CRELD1: variants seen among roughly 807,000 people sequenced by gnomAD.
CRELD1 encodes the protein CRELD disulfide isomerase 1.
A neutral mutation model predicts 58.2 loss-of-function variants in CRELD1; 42 were observed. That is an observed-to-expected ratio of 0.72 (90% CI 0.56 to 0.93). The LOEUF (loss-of-function observed/expected upper bound fraction) is 0.93, where lower values mean the gene tolerates loss of function less well. Among genes scored for constraint, CRELD1 ranks in the 40% least tolerant of loss-of-function variants. CRELD1 has a pLI of 0.00. For synonymous variants in CRELD1, 222 were observed against 202.0 expected (o/e 1.10, Z -0.84); for missense variants, 500 against 540.6 (o/e 0.92, Z 0.74).
chr3:9,935,336 TAGA>T (rs2085156576), intron 3 of CRELD1, among the ~76,000 whole-genome samples: 1 of 152,142 alleles, frequency 6.6e-6, no homozygotes, highest in Non-Finnish European at 1.5e-5. Context: ...GGGAGAGTGC[TAGA>T]AGGTGAAGGC....
chr3:9,938,457 C>T, intron 5 of CRELD1: 1 of 322,978 alleles, frequency 3.1e-6, no homozygotes, highest in Non-Finnish European at 5.9e-6. Context: ...CATCCTCACA[C>T]ACAGTCCTGG....
At chr3:9,940,107 G>T (rs1239336189) in intron 5 of CRELD1, among the ~76,000 whole-genome samples, 1 of 151,594 alleles carries the variant, frequency 6.6e-6, no homozygotes, top group Non-Finnish European at 1.5e-5. Flanking sequence ...TCCCAGACGG[G>T]GTCGCGGCCG....
At chr3:9,940,699 G>A in intron 5 of CRELD1, 151 bp from the exon 6 acceptor site, 1 of 612,798 alleles carries the variant, frequency 1.6e-6, no homozygotes. Flanking sequence ...GGGAGAGGGA[G>A]GCCATGGGGA....
In CRELD1 at chr3:9,943,850, A is replaced by C. The variant is rs1243681561; in HGVS notation, c.1048+335A>C. On this transcript the variant is annotated intron_variant, in intron 10 of 10. Coordinates refer to ENST00000452070, the MANE Select transcript of CRELD1 (RefSeq NM_001077415.3). Reference sequence around the variant, plus strand: ...GGTGAGATGCAGGGTAATCACAACGATGATGGCAGGGACCATTTCCCCAGC... The same window carrying C: ...GGTGAGATGCAGGGTAATCACAACGCTGATGGCAGGGACCATTTCCCCAGC... 3.7e-6 allele frequency: 6 copies of C among 1,613,774 alleles called. No homozygotes were observed. In the African/African-American group the frequency reaches 6.7e-5, roughly 18 times the overall value.
chr3:9,938,399 T>G, intron 5 of CRELD1: 1 of 397,398 alleles, frequency 2.5e-6, no homozygotes, highest in Non-Finnish European at 4.7e-6. Context: ...CTATGGTACC[T>G]TCCTGGGGAG....
intron 5 of CRELD1, among the ~76,000 whole-genome samples, chr3:9,940,396 G>A (rs369015886): frequency 8.2e-4 from 125 of 152,226 alleles, no homozygotes; most frequent in African/African-American, 2.8e-3. Flanking sequence ...CTGAGTGAAC[G>A]AGACTCCGTC....
Position 9,936,683 on chromosome 3 carries a change from C to G in CRELD1, c.258-879C>G, listed in dbSNP as rs201242699. Reference sequence around the variant, plus strand: ...TAGTTCCAGAACATTTTCATTACCCCCCCAAAAAATCCTATACCTATTACA... The same window carrying G: ...TAGTTCCAGAACATTTTCATTACCCGCCCAAAAAATCCTATACCTATTACA... On this transcript the variant is annotated intron_variant, in intron 3 of 10. Transcript: ENST00000452070. Among the ~76,000 whole-genome samples, 5 of 151,952 alleles carry G rather than the reference C, an allele frequency of 3.3e-5. No individual in the cohort carries two copies. In the East Asian group the frequency reaches 9.6e-4, roughly 29 times the overall value.
At position 9,940,869 on chromosome 3, in the gene CRELD1, G is replaced by A; in HGVS notation, c.480G>A (p.Glu160=). The part of the protein sequence containing the change: ...PSCLPCPGGT[E]RPCGGYGQCE... ...CCACAGCCTGTCCTGGGGGAACAGA[G>A]AGGCCCTGCGGTGGCTACGGGCAGT... The change falls in exon 6 of 11, where the codon GAG becomes GAA. Residue 160 remains glutamate (E), a synonymous_variant. Transcript: ENST00000452070. The A allele has an allele frequency of 6.2e-7, 1 of 1,614,126 alleles. No individual in the cohort carries two copies.
Position 9,936,557 on chromosome 3 carries a change from A to ATATGTGCGTATATATATGCG in CRELD1, c.258-1002_258-1001insGTGCGTATATATATGCGTAT, listed in dbSNP as rs1388342013. ...TATGTGCGTATATATATGCGTATAT[A>ATATGTGCGTATATATATGCG]TATATATATATGTATATATTTGTGG... On this transcript the variant is annotated intron_variant, in intron 3 of 10. Coordinates refer to ENST00000452070, the MANE Select transcript of CRELD1 (RefSeq NM_001077415.3). Among the ~76,000 whole-genome samples, 6 of 67,820 alleles carry ATATGTGCGTATATATATGCG rather than the reference A, an allele frequency of 8.8e-5. No individual in the cohort carries two copies. The African/African-American group carries it at 1.4e-3, about 16-fold the overall frequency. The allele number at this position is 67,820 out of a possible 152,430, so 44.5% of individuals were successfully genotyped here.
chr3:9,938,367 TCATTTC>T, intron 5 of CRELD1: 1 of 474,756 alleles, frequency 2.1e-6, no homozygotes, highest in Non-Finnish European at 3.9e-6. Flanking sequence ...CCCAGCCCCT[TCATTTC>T]CCATGCCAGA....
chr3:9,938,413 C>T (rs1197926859), intron 5 of CRELD1: 19 of 377,730 alleles, frequency 5.0e-5, no homozygotes, highest in Non-Finnish European at 7.5e-5. Context: ...TGGGGAGGGG[C>T]GGGTGCTGAC....
Position 9,943,530 on chromosome 3 carries a change from G to T in CRELD1, c.1048+15G>T. 1 of 1,613,946 alleles carries T rather than the reference G, an allele frequency of 6.2e-7. No homozygotes were observed. Among genetic ancestry groups the T allele is most frequent in the South Asian group, 1.1e-5 (1 of 91,076 alleles). ...GCAGATCCCAGGTGAGCCCTGGGGCGGGAGAGGGGAGGTCCTCATTCAAAG... is the reference window on the plus strand; with the variant it reads ...GCAGATCCCAGGTGAGCCCTGGGGCTGGAGAGGGGAGGTCCTCATTCAAAG... On this transcript the variant is annotated intron_variant, in intron 10 of 10. Transcript: ENST00000452070.
chr3:9,934,659 G>T (rs201654167), intron 2 of CRELD1, 47 bp downstream of exon 2: 1 of 1,599,102 alleles, frequency 6.3e-7, no homozygotes. Flanking sequence ...GCGATTTAGA[G>T]TGGGGAACTC....
chr3:9,939,482 T>C (rs1041593848), intron 5 of CRELD1, among the ~76,000 whole-genome samples: 2 of 152,172 alleles, frequency 1.3e-5, no homozygotes, highest in African/African-American at 4.8e-5. Flanking sequence ...CCCTGCGGCC[T>C]TCCGCAGTGT....
Position 9,944,915 on chromosome 3 carries a change from G to A in CRELD1, c.*336G>A. ...TCCTCACAGGGGTGGGGCCATCACA[G>A]CTCCCTCCTGCCAGCTGCATGCTGC... On this transcript the variant is annotated 3_prime_UTR_variant, in exon 11 of 11. Transcript: ENST00000452070. The A allele has an allele frequency of 2.6e-6, 1 of 384,484 alleles. No individual in the cohort carries two copies. The allele number at this position is 384,484 out of a possible 1,614,324, so 23.8% of individuals were successfully genotyped here. A position where few individuals can be genotyped will look rare whatever the true frequency, so the allele number is the denominator to read the frequency against.
chr3:9,934,012 GC>G (rs1012914662), intron 1 of CRELD1, 92 bp downstream of exon 1: 101 of 314,904 alleles, frequency 3.2e-4, no homozygotes, highest in African/African-American at 2.2e-3. Flanking sequence ...CCGGATCCGG[GC>G]TCCTCCCTCC....
chr3:9,937,823 GA>G (rs1225728407), intron 4 of CRELD1, 151 bp downstream of exon 4: 2 of 770,388 alleles, frequency 2.6e-6, no homozygotes, highest in African/African-American at 3.4e-5. Flanking sequence ...CTTGCCGGGG[GA>G]CTTGCGCTCC....
In CRELD1 at chr3:9,944,983, C is replaced by T; in HGVS notation, c.*404C>T. 1 of 271,396 alleles carries T rather than the reference C, an allele frequency of 3.7e-6. No homozygotes were observed. Among genetic ancestry groups the T allele is most frequent in the Non-Finnish European group, 7.2e-6 (1 of 137,932 alleles). 16.8% of individuals were successfully genotyped at this position (271,396 alleles called of 1,614,324 possible). On this transcript the variant is annotated 3_prime_UTR_variant, in exon 11 of 11. Transcript: ENST00000452070. Reference sequence around the variant, plus strand: ...TCACCACATCCCCACACCCCATTGCCACTTATTTATTCATCTCAGGAAATA... The same window carrying T: ...TCACCACATCCCCACACCCCATTGCTACTTATTTATTCATCTCAGGAAATA...
chr3:9,943,553 A>T, intron 10 of CRELD1, 38 bp downstream of exon 10: 2 of 1,613,582 alleles, frequency 1.2e-6, no homozygotes, highest in South Asian at 1.1e-5. Flanking sequence ...TCCTCATTCA[A>T]AGAGAAGGCA....
Sources: gnomAD v4.1 joint callset for allele counts (sites outside exome capture counted in the v4.1 genomes callset) on GRCh38, gnomAD v4.1.1 for gene constraint, MANE v1.5 for transcripts, NCBI Gene and HGNC (gene_info 2026-07-23, HGNC 2026-07-21) for gene names.